SYTL4: variants seen among roughly 807,000 people sequenced by gnomAD.
SYTL4 encodes the protein synaptotagmin-like protein 4.
SYTL4 carries 16 observed loss-of-function variants against 52.7 expected under a neutral mutation model. The observed-to-expected ratio is 0.30, with a 90% CI of 0.21 to 0.46. The LOEUF is 0.46. Ranked by LOEUF, SYTL4 falls within the 20% of genes least tolerant of loss-of-function variation. The probability of loss-of-function intolerance (pLI) is 1.00; values close to 1 mark genes in which losing one functional copy is unlikely to be tolerated. For synonymous variants in SYTL4, 160 were observed against 186.6 expected (o/e 0.86, Z 1.16); for missense variants, 423 against 519.9 (o/e 0.81, Z 1.81).
intron 2 of SYTL4, among the ~76,000 whole-genome samples, chrX:100,705,252 T>C (rs781149014): frequency 1.8e-5 from 2 of 111,900 alleles, no homozygotes; most frequent in Non-Finnish European, 3.8e-5. Flanking sequence ...TAACATATAT[T>C]AACTAATTTA....
chrX:100,728,354 T>C (rs2084564651), intron 2 of SYTL4, among the ~76,000 whole-genome samples: 1 of 112,362 alleles, frequency 8.9e-6, no homozygotes, highest in Admixed American at 9.4e-5. Flanking sequence ...AGCACTTTTT[T>C]CTTTTATGTT....
intron 2 of SYTL4, among the ~76,000 whole-genome samples, chrX:100,712,179 C>A (rs1013199161): frequency 9.0e-6 from 1 of 111,479 alleles, no homozygotes; most frequent in African/African-American, 3.3e-5. Context: ...TGGTACTGCA[C>A]AGAAATATAG....
At chrX:100,730,310 G>T (rs2084616028) in intron 2 of SYTL4, among the ~76,000 whole-genome samples, 1 of 111,160 alleles carries the variant, frequency 9.0e-6, no homozygotes, top group Admixed American at 9.5e-5. Flanking sequence ...TGCATCTAAG[G>T]TGGAAGCAAG....
intron 2 of SYTL4, among the ~76,000 whole-genome samples, chrX:100,713,676 T>C (rs1343107603): frequency 1.8e-5 from 2 of 110,829 alleles, no homozygotes; most frequent in Non-Finnish European, 3.8e-5. Context: ...TTAACAGCAT[T>C]ATTGGTAATA....
intron 12 of SYTL4, among the ~76,000 whole-genome samples, chrX:100,689,230 C>T (rs1223102695): frequency 9.4e-6 from 1 of 106,015 alleles, no homozygotes; most frequent in Non-Finnish European, 1.9e-5. Context: ...AAAAAATTAG[C>T]TGGGTATGAT....
chrX:100,717,273 C>T (rs886356477), intron 2 of SYTL4, among the ~76,000 whole-genome samples: 1 of 110,785 alleles, frequency 9.0e-6, no homozygotes, highest in African/African-American at 3.3e-5. Context: ...AACATGGTAA[C>T]CAAAGAAATA....
At chrX:100,695,244 T>A (rs1439332481) in intron 8 of SYTL4, among the ~76,000 whole-genome samples, 2 of 111,837 alleles carry the variant, frequency 1.8e-5, no homozygotes, top group Admixed American at 9.5e-5. Context: ...ATCTGTATGA[T>A]CTCAGGTAAA....
chrX:100,716,567 GA>G (rs1015468187), intron 2 of SYTL4, among the ~76,000 whole-genome samples: 2 of 49,563 alleles, frequency 4.0e-5, no homozygotes, highest in South Asian at 1.0e-3. Flanking sequence ...AAAAAAAAAA[GA>G]AAAAAACTCA....
chrX:100,689,625 G>A (rs1230526747), intron 12 of SYTL4, among the ~76,000 whole-genome samples: 6 of 61,079 alleles, frequency 9.8e-5, no homozygotes, highest in Non-Finnish European at 1.7e-4. Flanking sequence ...AGAAACAAGA[G>A]CGAAACTCCG....
intron 2 of SYTL4, among the ~76,000 whole-genome samples, chrX:100,705,160 A>G (rs771328091): frequency 1.5e-4 from 17 of 112,075 alleles, no homozygotes; most frequent in African/African-American, 4.9e-4. Context: ...AATTTTGCAT[A>G]TGCTGCCAAT....
At chrX:100,718,285 G>GT (rs1218220585) in intron 2 of SYTL4, among the ~76,000 whole-genome samples, 1 of 111,755 alleles carries the variant, frequency 8.9e-6, no homozygotes, top group Non-Finnish European at 1.9e-5. Context: ...TCTGCATGGA[G>GT]GGAGGCTGAC....
rs780278369 is a variant in SYTL4 at position 100,698,355 on chromosome X, G to A, written c.539+2542C>T. ...CCTGACCTTGTGATCCGCCCGCCTC[G>A]GCCTCCCAAAGTGCTGGGATTACAG... On this transcript the variant is annotated intron_variant, in intron 8 of 19. Coordinates refer to ENST00000372989, the MANE Select transcript of SYTL4 (RefSeq NM_001370165.1). Among the ~76,000 whole-genome samples the A allele has an allele frequency of 2.1e-3, 231 of 111,600 alleles. 2 individuals carry two copies. In the South Asian group the frequency reaches 0.022, roughly 11 times the overall value.
intron 12 of SYTL4, among the ~76,000 whole-genome samples, chrX:100,689,148 G>A (rs1018510663): frequency 5.5e-4 from 50 of 91,260 alleles, no homozygotes; most frequent in Non-Finnish European, 6.9e-4. Flanking sequence ...AGAGGCGGGC[G>A]GATCACTTGA....
chrX:100,704,182 G>T (rs2083911751), intron 3 of SYTL4, among the ~76,000 whole-genome samples: 1 of 110,949 alleles, frequency 9.0e-6, no homozygotes, highest in African/African-American at 3.3e-5. Context: ...GCCCAGCCTG[G>T]ACTCAAATTC....
intron 2 of SYTL4, among the ~76,000 whole-genome samples, chrX:100,721,540 A>G (rs1200954509): frequency 8.9e-6 from 1 of 111,900 alleles, no homozygotes; most frequent in African/African-American, 3.3e-5. Context: ...GCTGGCATCA[A>G]GAATACCATA....
chrX:100,678,987 C>T (rs1205193418), intron 18 of SYTL4, among the ~76,000 whole-genome samples: 7 of 111,726 alleles, frequency 6.3e-5, no homozygotes, highest in Non-Finnish European at 1.1e-4. Flanking sequence ...CTGTAATTTT[C>T]GGAAAGCTTA....
intron 2 of SYTL4, among the ~76,000 whole-genome samples, chrX:100,709,702 A>G (rs778400457): frequency 1.8e-5 from 2 of 112,531 alleles, no homozygotes; most frequent in African/African-American, 6.4e-5. Context: ...AGTTTTTAAA[A>G]TACGTAAAGT....
chrX:100,711,440 A>G (rs2084066729), intron 2 of SYTL4, among the ~76,000 whole-genome samples: 1 of 111,919 alleles, frequency 8.9e-6, no homozygotes, highest in South Asian at 3.7e-4. Context: ...TATATGTTCA[A>G]AAAGCTAGGC....
intron 2 of SYTL4, among the ~76,000 whole-genome samples, chrX:100,714,025 G>C (rs1046285814): frequency 9.0e-6 from 1 of 111,291 alleles, no homozygotes; most frequent in Non-Finnish European, 1.9e-5. Flanking sequence ...GGAGGTGATA[G>C]ATGTTCAATA....
Sources: gnomAD v4.1 joint callset for allele counts (sites outside exome capture counted in the v4.1 genomes callset) on GRCh38, gnomAD v4.1.1 for gene constraint, MANE v1.5 for transcripts, NCBI Gene and HGNC (gene_info 2026-07-23, HGNC 2026-07-21) for gene names.